Variants in XKR4 observed in about 807,000 individuals in gnomAD.
The protein encoded by XKR4 is XK related 4.
A neutral mutation model predicts 53.9 loss-of-function variants in XKR4; 12 were observed. The ratio of observed to expected loss-of-function variants is 0.22; its 90% confidence interval spans 0.14 to 0.36. The LOEUF (loss-of-function observed/expected upper bound fraction) is 0.36, where lower values mean the gene tolerates loss of function less well. Among genes scored for constraint, XKR4 ranks in the 10% least tolerant of loss-of-function variants. The pLI is 1.00. For missense variants in XKR4, 799 were observed against 859.5 expected (o/e 0.93, Z 0.88); for synonymous variants, 354 against 362.4 (o/e 0.98, Z 0.26).
At chr8:55,233,152 A>G (rs1818068491) in intron 1 of XKR4, among the ~76,000 whole-genome samples, 1 of 152,222 alleles carries the variant, frequency 6.6e-6, no homozygotes, top group African/African-American at 2.4e-5. Flanking sequence ...AATTCATTAT[A>G]AGGACACAGA....
chr8:55,378,635 C>T (rs575741101), intron 2 of XKR4, among the ~76,000 whole-genome samples: 3 of 152,028 alleles, frequency 2.0e-5, no homozygotes, highest in Non-Finnish European at 4.4e-5. Flanking sequence ...TTATTCTGTT[C>T]AAAACTGCAC....
intron 2 of XKR4, among the ~76,000 whole-genome samples, chr8:55,513,084 G>A (rs939954847): frequency 1.3e-5 from 2 of 152,170 alleles, no homozygotes; most frequent in Non-Finnish European, 2.9e-5. Context: ...GTCCCAGTGT[G>A]AGGCAGTGTG....
At chr8:55,517,628 CG>C (rs1806734048) in intron 2 of XKR4, 1 of 152,168 alleles carries the variant, frequency 6.6e-6, no homozygotes, top group Non-Finnish European at 1.5e-5. Context: ...TGCGGCTTTA[CG>C]TAGCATTTGA....
At chr8:55,338,728 G>A (rs150134265) in intron 1 of XKR4, among the ~76,000 whole-genome samples, 2 of 152,256 alleles carry the variant, frequency 1.3e-5, no homozygotes, top group African/African-American at 4.8e-5. Context: ...AGAACCGAGA[G>A]GACACAATCA....
chr8:55,378,916 T>C (rs1407348762), intron 2 of XKR4, among the ~76,000 whole-genome samples: 1 of 152,208 alleles, frequency 6.6e-6, no homozygotes, highest in Non-Finnish European at 1.5e-5. Flanking sequence ...AATACAATAT[T>C]GCCAAATGAA....
chr8:55,414,866 T>C (rs1397432254), intron 2 of XKR4, among the ~76,000 whole-genome samples: 2 of 152,176 alleles, frequency 1.3e-5, no homozygotes, highest in Non-Finnish European at 2.9e-5. Context: ...TATTAAGGAA[T>C]AATAATTTTT....
At chr8:55,222,632 A>C (rs1817896365) in intron 1 of XKR4, among the ~76,000 whole-genome samples, 1 of 152,212 alleles carries the variant, frequency 6.6e-6, no homozygotes, top group Non-Finnish European at 1.5e-5. Flanking sequence ...TTCAAAATGA[A>C]AGATCCATAA....
intron 2 of XKR4, among the ~76,000 whole-genome samples, chr8:55,416,600 C>T (rs1355498669): frequency 6.6e-6 from 1 of 152,204 alleles, no homozygotes; most frequent in Non-Finnish European, 1.5e-5. Flanking sequence ...AAGAGCTTGA[C>T]TCATTGCAGA....
chr8:55,269,367 T>A lies in XKR4; in HGVS notation c.807-88311T>A, dbSNP rs542152581. 1.7e-3 allele frequency among the ~76,000 whole-genome samples: 254 copies of A among 147,632 alleles called. 1 individual carries two copies. Among genetic ancestry groups the A allele is most frequent in the African/African-American group, 6.2e-3 (243 of 39,512 alleles). On this transcript the variant is annotated intron_variant, in intron 1 of 2. Coordinates refer to ENST00000327381, the MANE Select transcript of XKR4 (RefSeq NM_052898.2). The stretch of plus-strand genomic sequence containing the variant: ...TATGTTGCAAGAAAGAAACAATACT[T>A]TTTTTTTGTATAATTGGTGTAGGAT...
intron 1 of XKR4, among the ~76,000 whole-genome samples, chr8:55,232,790 T>A (rs969211389): frequency 6.6e-6 from 1 of 152,324 alleles, no homozygotes; most frequent in Non-Finnish European, 1.5e-5. Context: ...ACATTTCCAA[T>A]GAGGAGATCA....
chr8:55,500,695 C>T (rs1478998108), intron 2 of XKR4, among the ~76,000 whole-genome samples: 2 of 152,310 alleles, frequency 1.3e-5, no homozygotes, highest in East Asian at 3.9e-4. Context: ...CCAACATTTG[C>T]TGAACCTTCT....
At chr8:55,286,438 C>A in intron 1 of XKR4, among the ~76,000 whole-genome samples, 1 of 152,182 alleles carries the variant, frequency 6.6e-6, no homozygotes, top group African/African-American at 2.4e-5. Context: ...GGCATTGTAC[C>A]AAGGGGCAGC....
At chr8:55,365,265 GGTGGCACGCACA>G (rs1244094348) in intron 2 of XKR4, among the ~76,000 whole-genome samples, 1 of 152,226 alleles carries the variant, frequency 6.6e-6, no homozygotes, top group African/African-American at 2.4e-5. Flanking sequence ...CGTTCACTAG[GGTGGCACGCACA>G]GTCTTCCAGT....
chr8:55,280,729 CAT>C (rs1818833689), intron 1 of XKR4, among the ~76,000 whole-genome samples: 1 of 152,062 alleles, frequency 6.6e-6, no homozygotes, highest in South Asian at 2.1e-4. Flanking sequence ...GATGTGAAAA[CAT>C]AAATTATTCA....
chr8:55,373,589 A>C (rs1356797335), intron 2 of XKR4, among the ~76,000 whole-genome samples: 3 of 152,362 alleles, frequency 2.0e-5, no homozygotes, highest in Middle Eastern at 3.4e-3. Context: ...TAGAGCCTTC[A>C]ATGAAGGGGC....
chr8:55,154,594 T>C (rs1192432978), intron 1 of XKR4, among the ~76,000 whole-genome samples: 1 of 152,206 alleles, frequency 6.6e-6, no homozygotes, highest in African/African-American at 2.4e-5. Context: ...CATTTGCCTT[T>C]CCTGGGCTTT....
intron 1 of XKR4, among the ~76,000 whole-genome samples, chr8:55,306,204 G>A (rs943726561): frequency 6.6e-6 from 1 of 152,184 alleles, no homozygotes; most frequent in African/African-American, 2.4e-5. Context: ...TATAAACATT[G>A]AAATGGGTGG....
At chr8:55,487,619 A>G (rs150130345) in intron 2 of XKR4, among the ~76,000 whole-genome samples, 8 of 152,242 alleles carry the variant, frequency 5.3e-5, no homozygotes, top group Non-Finnish European at 1.0e-4. Context: ...GGTATGCATC[A>G]CCATGCCCAG....
intron 1 of XKR4, among the ~76,000 whole-genome samples, chr8:55,159,897 A>G (rs1239823379): frequency 1.3e-5 from 2 of 152,324 alleles, no homozygotes; most frequent in East Asian, 3.9e-4. Flanking sequence ...GTGATGTGGT[A>G]GGAAAGTTGA....
Sources: allele counts gnomAD v4.1 joint callset (sites outside exome capture counted in the v4.1 genomes callset), GRCh38; gene constraint gnomAD v4.1.1; transcripts MANE v1.5; gene names NCBI Gene and HGNC (gene_info 2026-07-23, HGNC 2026-07-21).